The following MROH2A variants were observed in gnomAD, a reference collection of about 807,000 sequenced individuals.
MROH2A encodes the protein maestro heat-like repeat-containing protein family member 2A.
MROH2A carries 174 observed loss-of-function variants against 200.4 expected under a neutral mutation model. That is an observed-to-expected ratio of 0.87 (90% CI 0.77 to 0.98). The LOEUF is 0.98. Among genes scored for constraint, MROH2A ranks in the 50% least tolerant of loss-of-function variants. The pLI, the probability that MROH2A is intolerant of heterozygous loss-of-function variation, is 0.00. For synonymous variants in MROH2A, 829 were observed against 840.4 expected, an observed-to-expected ratio of 0.99 and a Z score of 0.23; for missense variants, 2,045 against 2,139.6, an observed-to-expected ratio of 0.96 and a Z score of 0.87.
In MROH2A at chr2:233,818,670, T is replaced by C. The variant is rs1703721979; in HGVS notation, c.3104T>C (p.Leu1035Ser). The change falls in exon 29 of 42, where the codon TTG becomes TCG. Residue 1035 changes from leucine (L) to serine (S), a missense_variant. Leu to Ser is a moderately radical substitution (Grantham distance 145). Transcript: ENST00000389758. Reference sequence around the variant, plus strand: ...CCGACAGCAAGCCAGACCTGCTCCTTGTGGGGCCCTTCCAAGCAGAAGGAG... The same window carrying C: ...CCGACAGCAAGCCAGACCTGCTCCTCGTGGGGCCCTTCCAAGCAGAAGGAG... ...LDLHASQTCSLWGPSKQKELE... is the reference protein window; with the variant it reads ...LDLHASQTCSSWGPSKQKELE... The C allele has an allele frequency of 2.1e-5, 33 of 1,548,286 alleles. No individual in the cohort carries two copies. Among genetic ancestry groups the C allele is most frequent in the Non-Finnish European group, 2.8e-5 (32 of 1,145,214 alleles).
chr2:233,790,900 C>T (rs939272324), intron 5 of MROH2A, among the ~76,000 whole-genome samples: 6 of 152,120 alleles, frequency 3.9e-5, no homozygotes, highest in Admixed American at 6.5e-5. Flanking sequence ...GCCAAATGGG[C>T]GTTTGAGATC....
rs1306404128 is a variant in MROH2A, at chr2:233,822,245, G to GCTGA, written c.3636_3639dup (p.Ile1214Ter). ...CCCCAGAATCAGTGCCACCTCCAAG[G>GCTGA]CTGACATCTGGCGCCTGGCTGCGGT... On this transcript the variant is annotated frameshift_variant, in exon 32 of 42. Coordinates refer to ENST00000389758, the MANE Select transcript of MROH2A (RefSeq NM_001394639.1). LOFTEE classifies it high-confidence loss of function. 6.5e-7 allele frequency: 1 copy of GCTGA among 1,547,764 alleles called. No individual in the cohort carries two copies. Among genetic ancestry groups the GCTGA allele is most frequent in the East Asian group, 2.4e-5 (1 of 40,916 alleles).
At position 233,831,551 on chromosome 2, in the gene MROH2A, C is replaced by T. The variant is rs1704754051; in HGVS notation, c.4734+11C>T. ...ATGTGCTCCATCCTGGTGAGGAAGCCAAAGGGGGAACCAGCCCGTCCCAGG... is the reference window on the plus strand; with the variant it reads ...ATGTGCTCCATCCTGGTGAGGAAGCTAAAGGGGGAACCAGCCCGTCCCAGG... On this transcript the variant is annotated intron_variant, in intron 39 of 41. Transcript: ENST00000389758. 8.4e-6 allele frequency: 13 copies of T among 1,546,568 alleles called. No homozygotes were observed. Among genetic ancestry groups the T allele is most frequent in the African/African-American group, 4.1e-5 (3 of 72,728 alleles).
At position 233,810,911 on chromosome 2, in the gene MROH2A, A is replaced by T; in HGVS notation, c.2566A>T (p.Ile856Leu). ...CCAGAAGACGACTCTTACCAGCATT[A>T]TAGTGGTAAGCTGGGTGGGGCACCT... Reference protein sequence around the residue: ...FAQKTTLTSIIVAVIKAEPTD... With the variant: ...FAQKTTLTSILVAVIKAEPTD... The change falls in exon 23 of 42, where the codon ATA (isoleucine) becomes TTA (leucine). Residue 856 changes from isoleucine (I) to leucine (L), a missense_variant. Ile to Leu is a conservative substitution (Grantham distance 5). Transcript: ENST00000389758. The T allele has an allele frequency of 6.5e-7, 1 of 1,549,830 alleles. No homozygotes were observed. The highest frequency in any genetic ancestry group is 2.4e-5 in the East Asian group (1 of 40,892).
chr2:233,800,050 A>G (rs1702360597), intron 13 of MROH2A, among the ~76,000 whole-genome samples, 151 bp downstream of exon 13: 1 of 152,150 alleles, frequency 6.6e-6, no homozygotes, highest in African/African-American at 2.4e-5. Context: ...CCTGCAGGTG[A>G]CAATGTGTGG....
chr2:233,818,547 G>T, intron 28 of MROH2A, 105 bp from the exon 29 acceptor site: 2 of 750,588 alleles, frequency 2.7e-6, no homozygotes, highest in Admixed American at 4.0e-5. Flanking sequence ...TCACATGCTG[G>T]AGGGTGGCTC....
chr2:233,818,004 C>T lies in MROH2A; in HGVS notation c.2964C>T (p.Ile988=). The part of the protein sequence containing the change: ...WIYVHSTAVC[I]HLKLGQFGTM... ...CCCCACGGTCTCCTGTCCCTCAGAT[C>T]CACCTAAAGCTGGGGCAGTTTGGCA... is the stretch of plus-strand genomic sequence containing the variant. The change falls in exon 28 of 42, where the codon ATC becomes ATT. Residue 988 remains isoleucine, a splice_region_variant and synonymous_variant. Coordinates refer to ENST00000389758, the MANE Select transcript of MROH2A (RefSeq NM_001394639.1). The T allele has an allele frequency of 6.4e-7, 1 of 1,550,908 alleles. No homozygotes were observed. Among genetic ancestry groups the T allele is most frequent in the Non-Finnish European group, 8.7e-7 (1 of 1,147,052 alleles).
chr2:233,792,573 A>G (rs1429024678), intron 5 of MROH2A, among the ~76,000 whole-genome samples: 1 of 152,092 alleles, frequency 6.6e-6, no homozygotes, highest in African/African-American at 2.4e-5. Flanking sequence ...TTGGCCTCCC[A>G]AAGTGCTGGG....
intron 22 of MROH2A, among the ~76,000 whole-genome samples, chr2:233,809,630 G>T (rs1329196298): frequency 6.6e-6 from 1 of 152,160 alleles, no homozygotes; most frequent in Non-Finnish European, 1.5e-5. Flanking sequence ...AAGAGGTGGG[G>T]TTGTCTTCAT....
At chr2:233,824,267 T>C (rs918144380) in intron 35 of MROH2A, among the ~76,000 whole-genome samples, 2 of 152,262 alleles carry the variant, frequency 1.3e-5, no homozygotes, top group South Asian at 2.1e-4. Context: ...TTAAACTTCA[T>C]GGAATTTTCA....
Position 233,828,906 on chromosome 2 carries a change from A to G in MROH2A, c.4280A>G (p.Lys1427Arg). 1 of 1,550,424 alleles carries G rather than the reference A, an allele frequency of 6.4e-7. No individual in the cohort carries two copies. The highest frequency in any genetic ancestry group is 8.7e-7 in the Non-Finnish European group (1 of 1,146,960). Reference protein sequence around the residue: ...GAPKKVKQYRKVLLEKCLGPL... With the variant: ...GAPKKVKQYRRVLLEKCLGPL... ...CCCCTCCAGGTGAAGCAGTACCGGA[A>G]GGTCTTGCTGGAGAAGTGCCTGGGC... The change falls in exon 37 of 42, where the codon AAG becomes AGG. Residue 1427 changes from lysine to arginine, a missense_variant. Coordinates refer to ENST00000389758, the MANE Select transcript of MROH2A (RefSeq NM_001394639.1). This position sits in a 1 kb window ranked among gnomAD's most constrained non-coding sequence, Gnocchi z 4.6.
chr2:233,806,314 A>G (rs1702787198), intron 19 of MROH2A, among the ~76,000 whole-genome samples: 1 of 152,154 alleles, frequency 6.6e-6, no homozygotes, highest in Admixed American at 6.5e-5. Context: ...AGATATTAAC[A>G]TTTTTTGTGT....
chr2:233,813,854 C>A (rs1575983380), intron 25 of MROH2A, 76 bp downstream of exon 25: 1 of 781,968 alleles, frequency 1.3e-6, no homozygotes, highest in South Asian at 1.7e-5. Flanking sequence ...TGCTGAGAGT[C>A]CACCTTCCTG....
intron 28 of MROH2A, 99 bp downstream of exon 28, chr2:233,818,224 C>T (rs1033132321): frequency 7.0e-7 from 1 of 1,423,608 alleles, no homozygotes; most frequent in Non-Finnish European, 9.5e-7. Context: ...GAAGGATGGC[C>T]TCTGTGCAGG....
intron 19 of MROH2A, among the ~76,000 whole-genome samples, chr2:233,806,380 A>G (rs1252730740): frequency 6.6e-6 from 1 of 152,152 alleles, no homozygotes; most frequent in Non-Finnish European, 1.5e-5. Flanking sequence ...TATTTACCTT[A>G]TGGAGTCGTG....
chr2:233,796,239 G>C lies in MROH2A; in HGVS notation c.1178G>C (p.Ser393Thr). The C allele has an allele frequency of 6.5e-7, 1 of 1,539,434 alleles. No homozygotes were observed. The highest frequency in any genetic ancestry group is 8.8e-7 in the Non-Finnish European group (1 of 1,140,424). The change falls in exon 11 of 42, where the codon AGC (serine) becomes ACC (threonine). Residue 393 changes from serine to threonine, a missense_variant. Ser to Thr is a moderately conservative substitution (Grantham distance 58). Around this residue, in one of 3 missense-constraint regions of MROH2A, gnomAD observed 831 missense variants for 800.0 expected, o/e 1.04. Transcript: ENST00000389758. ...AAGGAGCTGATGAAGTTCTTCTTCA[G>C]CCAGATGGAGACAAACAAGGAGGCC... ...YPKELMKFFF[S>T]QMETNKEAVR...
rs574256587 is a variant in MROH2A, at chr2:233,786,398, G to A, written c.277-3099G>A. 2.9e-4 allele frequency among the ~76,000 whole-genome samples: 44 copies of A among 152,314 alleles called. No individual in the cohort carries two copies. The South Asian group carries it at 3.7e-3, about 13-fold the overall frequency. On this transcript the variant is annotated intron_variant, in intron 3 of 41. Transcript: ENST00000389758. ...GTCCTCACGTGGCTCTCCTGTGCAT[G>A]CGCACAGTGGGAGAAAGCACTCTTG...
At chr2:233,800,802 G>T (rs747266735) in intron 14 of MROH2A, among the ~76,000 whole-genome samples, 1 of 152,074 alleles carries the variant, frequency 6.6e-6, no homozygotes, top group Non-Finnish European at 1.5e-5. Flanking sequence ...GACTATGGGA[G>T]AAACAAATGT....
chr2:233,804,274 C>T, intron 17 of MROH2A, 82 bp downstream of exon 17: 3 of 1,513,852 alleles, frequency 2.0e-6, no homozygotes, highest in Non-Finnish European at 2.7e-6. Context: ...ACTTGAATAA[C>T]GAGAGCTGAG....
Sources: allele counts gnomAD v4.1 joint callset (sites outside exome capture counted in the v4.1 genomes callset), GRCh38; gene constraint gnomAD v4.1.1; regional missense constraint gnomAD v4.1.1; non-coding constraint Gnocchi (gnomAD v3.1); transcripts MANE v1.5; gene names NCBI Gene and HGNC (gene_info 2026-07-23, HGNC 2026-07-21).